The following SYTL5 variants were observed in gnomAD, a reference collection of about 807,000 sequenced individuals.
SYTL5 encodes synaptotagmin-like protein 5.
SYTL5 carries 34 observed loss-of-function variants against 55.9 expected under a neutral mutation model. The ratio of observed to expected loss-of-function variants is 0.61; its 90% CI spans 0.46 to 0.81. The LOEUF is 0.81. Ranked by LOEUF, SYTL5 falls within the 30% of genes least tolerant of loss-of-function variation. The pLI is 0.00. For synonymous variants in SYTL5, 221 were observed against 188.7 expected, an observed-to-expected ratio of 1.17 and a Z score of -1.40; for missense variants, 637 against 546.7, an observed-to-expected ratio of 1.17 and a Z score of -1.65.
At chrX:38,081,455 T>C (rs956806037) in intron 6 of SYTL5, among the ~76,000 whole-genome samples, 1 of 112,018 alleles carries the variant, frequency 8.9e-6, no homozygotes, top group Admixed American at 9.5e-5. Context: ...AACTTCTATT[T>C]AGAACTCAAA....
At chrX:37,906,371 G>T in the SYTL5 span, 1 of 112,102 alleles carries the variant, frequency 8.9e-6, no homozygotes, top group Non-Finnish European at 1.9e-5. Flanking sequence ...ACCTTCACAT[G>T]TCCGAATGCG....
chrX:37,996,095 T>A, the SYTL5 span, among the ~76,000 whole-genome samples: 9 of 111,904 alleles, frequency 8.0e-5, no homozygotes, highest in African/African-American at 2.9e-4. Context: ...TGACCCTGGA[T>A]GAGCCCCTGT....
intron 1 of SYTL5, among the ~76,000 whole-genome samples, chrX:38,008,811 AT>A (rs749475204): frequency 2.7e-5 from 3 of 112,004 alleles, no homozygotes; most frequent in Admixed American, 9.5e-5. Context: ...AAGTACATTC[AT>A]TTATTTATGT....
chrX:37,985,461 A>G, the SYTL5 span, among the ~76,000 whole-genome samples: 2 of 111,750 alleles, frequency 1.8e-5, no homozygotes, highest in Admixed American at 9.5e-5. Context: ...ATATTTAGGA[A>G]TAAATATCAC....
chrX:37,942,578 T>C, the SYTL5 span, among the ~76,000 whole-genome samples: 1 of 111,901 alleles, frequency 8.9e-6, no homozygotes, highest in African/African-American at 3.2e-5. Context: ...TCTGCTAAGC[T>C]CTTGAACACC....
At chrX:38,105,647 A>G (rs1374306394) in intron 10 of SYTL5, among the ~76,000 whole-genome samples, 1 of 112,197 alleles carries the variant, frequency 8.9e-6, no homozygotes, top group South Asian at 3.7e-4. Flanking sequence ...TAGCTTTCTG[A>G]TTTTGGGTGC....
intron 7 of SYTL5, among the ~76,000 whole-genome samples, chrX:38,091,371 C>A (rs1936795221): frequency 8.9e-6 from 1 of 112,261 alleles, no homozygotes; most frequent in East Asian, 2.8e-4. Flanking sequence ...CTAAGGTCAG[C>A]AAGCCATTTC....
At chrX:38,098,290 T>C (rs762841329) in intron 9 of SYTL5, among the ~76,000 whole-genome samples, 23 of 111,717 alleles carry the variant, frequency 2.1e-4, no homozygotes, top group South Asian at 7.4e-4. Flanking sequence ...TTTCAAATTA[T>C]ATATTTGTTA....
chrX:38,110,589 T>A, intron 13 of SYTL5, 107 bp downstream of exon 13: 1 of 673,809 alleles, frequency 1.5e-6, no homozygotes. Flanking sequence ...CAAGTGATAA[T>A]CTGCAAAAAA....
At chrX:37,972,275 TA>T in the SYTL5 span, among the ~76,000 whole-genome samples, 1 of 111,552 alleles carries the variant, frequency 9.0e-6, no homozygotes, top group Non-Finnish European at 1.9e-5. Context: ...CGGAATAGGA[TA>T]AATTTTAGTA....
At chrX:37,905,245 T>C in the SYTL5 span, among the ~76,000 whole-genome samples, 1 of 110,198 alleles carries the variant, frequency 9.1e-6, no homozygotes, top group Non-Finnish European at 1.9e-5. Context: ...CCAGGGGGGA[T>C]ATGAGAGAGG....
the SYTL5 span, among the ~76,000 whole-genome samples, chrX:37,939,381 CT>C: frequency 1.8e-5 from 2 of 112,073 alleles, no homozygotes; most frequent in South Asian, 7.4e-4. Flanking sequence ...TAACTTCTTT[CT>C]ATGTTTTAGC....
the SYTL5 span, chrX:37,990,828 C>A: frequency 8.4e-7 from 1 of 1,183,476 alleles, no homozygotes; most frequent in Non-Finnish European, 1.1e-6. Flanking sequence ...AGAGCCAAAC[C>A]CAGCAAACAT....
At chrX:37,991,422 G>A in the SYTL5 span, 1 of 547,654 alleles carries the variant, frequency 1.8e-6, no homozygotes, top group Admixed American at 4.0e-5. Context: ...GGGGTGGCCA[G>A]TGTGGTGTTT....
chrX:38,030,153 C>T (rs73632427), intron 1 of SYTL5, among the ~76,000 whole-genome samples: 2,022 of 110,903 alleles, frequency 0.018, 52 homozygotes, highest in African/African-American at 0.064. Flanking sequence ...TCTAAACATG[C>T]AAAAAGCCAC....
the SYTL5 span, among the ~76,000 whole-genome samples, chrX:37,904,583 T>C: frequency 1.8e-5 from 2 of 111,173 alleles, no homozygotes; most frequent in African/African-American, 3.3e-5. Flanking sequence ...TTCTGAGCTT[T>C]CAATAAAGCT....
At chrX:38,065,704 T>C (rs1194160221) in intron 3 of SYTL5, among the ~76,000 whole-genome samples, 1 of 112,263 alleles carries the variant, frequency 8.9e-6, no homozygotes, top group African/African-American at 3.2e-5. Flanking sequence ...GGAATAAATG[T>C]ACACCAGCAT....
chrX:37,955,391 T>A, the SYTL5 span, among the ~76,000 whole-genome samples: 2 of 112,100 alleles, frequency 1.8e-5, no homozygotes, highest in African/African-American at 6.5e-5. Context: ...TCTTTCAATT[T>A]ATGTAATAGA....
the SYTL5 span, among the ~76,000 whole-genome samples, chrX:37,982,631 A>G: frequency 8.9e-6 from 1 of 111,873 alleles, no homozygotes; most frequent in African/African-American, 3.2e-5. Flanking sequence ...CATGTAGTAT[A>G]TAGAAATGTA....
Sources: gnomAD v4.1 joint callset for allele counts (sites outside exome capture counted in the v4.1 genomes callset) on GRCh38, gnomAD v4.1.1 for gene constraint, MANE v1.5 for transcripts, NCBI Gene and HGNC (gene_info 2026-07-23, HGNC 2026-07-21) for gene names.